STRBP: variants seen among roughly 807,000 people sequenced by gnomAD.
STRBP encodes the protein spermatid perinuclear RNA-binding protein.
In STRBP, 13 loss-of-function variants were observed where a neutral mutation model predicts 80.1. That is an observed-to-expected ratio of 0.16 (90% CI 0.11 to 0.26). The LOEUF is 0.26. Ranked by LOEUF, STRBP falls within the 10% of genes least tolerant of loss-of-function variation. The pLI is 1.00. For synonymous variants in STRBP, 284 were observed against 291.2 expected, an observed-to-expected ratio of 0.98 and a Z score of 0.25; for missense variants, 485 against 815.2, an observed-to-expected ratio of 0.59 and a Z score of 4.93.
intron 1 of STRBP, among the ~76,000 whole-genome samples, chr9:123,260,725 T>A (rs1056148269): frequency 6.6e-6 from 1 of 151,970 alleles, no homozygotes; most frequent in Non-Finnish European, 1.5e-5. Flanking sequence ...GTAAATTCCC[T>A]ACCAAAAAAA....
chr9:123,124,416 A>G lies in STRBP; in HGVS notation c.*1181T>C. 11 of 985,412 alleles carry G rather than the reference A, an allele frequency of 1.1e-5. No homozygotes were observed. Among genetic ancestry groups the G allele is most frequent in the Non-Finnish European group, 1.3e-5 (11 of 829,944 alleles). 61.0% of individuals were successfully genotyped at this position (985,412 alleles called of 1,614,324 possible). On this transcript the variant is annotated 3_prime_UTR_variant, in exon 19 of 19. Transcript: ENST00000348403. The stretch of plus-strand genomic sequence containing the variant: ...GTCTGCACCCTTTACAGAACAGCAC[A>G]ATGTTACCCACTGATCCATTTCCAC...
At chr9:123,263,524 CAAAAAAAA>C (rs775297049) in intron 1 of STRBP, among the ~76,000 whole-genome samples, 2 of 64,226 alleles carry the variant, frequency 3.1e-5, no homozygotes, top group Admixed American at 1.7e-4. Flanking sequence ...GACCCTGTCT[CAAAAAAAA>C]AAAAAAAAAA....
At chr9:123,257,450 C>A (rs1353274010) in intron 1 of STRBP, among the ~76,000 whole-genome samples, 2 of 151,486 alleles carry the variant, frequency 1.3e-5, no homozygotes, top group African/African-American at 4.8e-5. Context: ...ACACACACAC[C>A]CACATCCCAT....
intron 1 of STRBP, among the ~76,000 whole-genome samples, chr9:123,255,944 G>A (rs2041018493): frequency 6.7e-6 from 1 of 148,940 alleles, no homozygotes; most frequent in African/African-American, 2.5e-5. Flanking sequence ...AAACCCTGTA[G>A]TTGTCAGGCT....
Position 123,122,714 on chromosome 9 carries a change from G to A in STRBP, c.*2883C>T. 3.0e-6 allele frequency: 3 copies of A among 1,001,210 alleles called. No individual in the cohort carries two copies. The highest frequency in any genetic ancestry group is 3.6e-6 in the Non-Finnish European group (3 of 840,162). 62.0% of individuals were successfully genotyped at this position (1,001,210 alleles called of 1,614,324 possible). ...GCTAGGGGCCAGTCCCCGTGCAGAGGATATGGCTTCAAGGAGGACCCCTAT... is the reference window on the plus strand; with the variant it reads ...GCTAGGGGCCAGTCCCCGTGCAGAGAATATGGCTTCAAGGAGGACCCCTAT... On this transcript the variant is annotated 3_prime_UTR_variant, in exon 19 of 19. Transcript: ENST00000348403.
intron 2 of STRBP, among the ~76,000 whole-genome samples, chr9:123,227,452 G>A (rs2040271058): frequency 6.6e-6 from 1 of 151,954 alleles, no homozygotes; most frequent in Admixed American, 6.5e-5. Context: ...AACAGGGTCA[G>A]ATGAAGTAGG....
intron 1 of STRBP, among the ~76,000 whole-genome samples, chr9:123,259,770 G>C (rs1416395082): frequency 6.6e-6 from 1 of 152,186 alleles, no homozygotes; most frequent in African/African-American, 2.4e-5. Flanking sequence ...CCAATATTAA[G>C]AGGTAGGTGT....
intron 2 of STRBP, among the ~76,000 whole-genome samples, chr9:123,226,224 T>TGAA (rs1030476892): frequency 6.6e-6 from 1 of 151,818 alleles, no homozygotes; most frequent in African/African-American, 2.4e-5. Context: ...GAGCAGGAGG[T>TGAA]GAAGAGAGGG....
chr9:123,218,396 T>A (rs952278196), intron 2 of STRBP, among the ~76,000 whole-genome samples: 3 of 137,490 alleles, frequency 2.2e-5, no homozygotes, highest in African/African-American at 8.2e-5. Flanking sequence ...GGAGTCTCGC[T>A]CTGTCGCCCA....
intron 1 of STRBP, among the ~76,000 whole-genome samples, chr9:123,248,185 T>C (rs1473555439): frequency 6.6e-6 from 1 of 151,938 alleles, no homozygotes; most frequent in Admixed American, 6.6e-5. Context: ...CTCAAATCTA[T>C]GTGATCTTGG....
At chr9:123,160,629 TA>T (rs1332549655) in intron 7 of STRBP, among the ~76,000 whole-genome samples, 167 bp from the exon 8 acceptor site, 1 of 152,198 alleles carries the variant, frequency 6.6e-6, no homozygotes, top group Non-Finnish European at 1.5e-5. Flanking sequence ...AGGTACATTT[TA>T]AAAATAAAAG....
chr9:123,239,151 G>A (rs565067577), intron 1 of STRBP, among the ~76,000 whole-genome samples: 4 of 152,226 alleles, frequency 2.6e-5, no homozygotes, highest in South Asian at 4.1e-4. Context: ...TGAGGCAGGC[G>A]GATCATGAGG....
At chr9:123,165,849 G>T (rs1185451523) in intron 6 of STRBP, among the ~76,000 whole-genome samples, 1 of 152,086 alleles carries the variant, frequency 6.6e-6, no homozygotes. Flanking sequence ...GGCCATGTGA[G>T]GGCTTTTAAA....
chr9:123,250,310 T>C lies in STRBP; in HGVS notation c.-301-13344A>G, dbSNP rs150650696. ...TAGTAAGTTAGGCATTAGTGAGAAT[T>C]ACAAAAATGTAAAACAATGCTAGTC... On this transcript the variant is annotated intron_variant, in intron 1 of 18. Coordinates refer to ENST00000348403, the MANE Select transcript of STRBP (RefSeq NM_018387.5). Among the ~76,000 whole-genome samples, 460 of 152,342 alleles carry C rather than the reference T, an allele frequency of 3.0e-3. 1 individual carries two copies. Among genetic ancestry groups the C allele is most frequent in the Non-Finnish European group, 5.0e-3 (342 of 68,024 alleles).
In STRBP at chr9:123,110,308, C is replaced by T. The variant is rs543399670; in HGVS notation, c.*85-555G>A. ...CTGCAGGGCTAACGGTATGATGAAC[C>T]TGGCCCTAGGCCAGCCCCTTCCCCA... On this transcript the variant is annotated intron_variant and NMD_transcript_variant, in intron 3 of 3. Transcript: ENST00000471564. The surrounding 1 kb of genome is among the most constrained non-coding windows in gnomAD (Gnocchi z 4.1). The T allele has an allele frequency of 6.4e-6, 1 of 157,214 alleles. No individual in the cohort carries two copies. The highest frequency in any genetic ancestry group is 2.4e-5 in the African/African-American group (1 of 41,564). 9.7% of individuals were successfully genotyped at this position (157,214 alleles called of 1,614,324 possible).
intron 2 of STRBP, among the ~76,000 whole-genome samples, chr9:123,186,070 G>A (rs1218049256): frequency 1.3e-5 from 2 of 150,362 alleles, no homozygotes; most frequent in African/African-American, 4.9e-5. Flanking sequence ...AGCCAGGCAT[G>A]GTGGCTCGCG....
chr9:123,228,134 C>T (rs544441837), intron 2 of STRBP, among the ~76,000 whole-genome samples: 23 of 152,172 alleles, frequency 1.5e-4, no homozygotes, highest in African/African-American at 3.9e-4. Flanking sequence ...CCTAAACAAC[C>T]GGAGGATGGC....
chr9:123,198,760 T>C (rs2039199795), intron 2 of STRBP, among the ~76,000 whole-genome samples: 1 of 152,194 alleles, frequency 6.6e-6, no homozygotes, highest in Non-Finnish European at 1.5e-5. Context: ...TCCATCTTGA[T>C]TTTTGTATAT....
chr9:123,198,023 T>C (rs1269388286), intron 2 of STRBP, among the ~76,000 whole-genome samples: 3 of 152,180 alleles, frequency 2.0e-5, no homozygotes, highest in East Asian at 1.9e-4. Context: ...GGTATCTCAC[T>C]GTGGTTTTAA....
Sources: allele counts gnomAD v4.1 joint callset (sites outside exome capture counted in the v4.1 genomes callset), GRCh38; gene constraint gnomAD v4.1.1; non-coding constraint Gnocchi (gnomAD v3.1); transcripts MANE v1.5; gene names NCBI Gene and HGNC (gene_info 2026-07-23, HGNC 2026-07-21).